PPP6R2: variants seen among roughly 807,000 people sequenced by gnomAD.
PPP6R2 encodes the protein serine/threonine-protein phosphatase 6 regulatory subunit 2.
A neutral mutation model predicts 100.2 loss-of-function variants in PPP6R2; 62 were observed. That is an observed-to-expected ratio of 0.62 (90% confidence interval 0.50 to 0.76). PPP6R2 has a LOEUF of 0.76. Among genes scored for constraint, PPP6R2 ranks in the 30% least tolerant of loss-of-function variants. The pLI is 0.00. For synonymous variants in PPP6R2, 525 were observed against 514.7 expected (o/e 1.02, Z -0.27); for missense variants, 1,142 against 1,276.3 (o/e 0.89, Z 1.60).
intron 18 of PPP6R2, 129 bp downstream of exon 18, chr22:50,438,427 C>T: frequency 6.8e-7 from 1 of 1,480,912 alleles, no homozygotes; most frequent in African/African-American, 1.4e-5. Flanking sequence ...GCTCTGGGGC[C>T]CAATGCAGCG....
intron 2 of PPP6R2, among the ~76,000 whole-genome samples, chr22:50,391,365 G>A (rs1018303555): frequency 4.7e-5 from 7 of 147,534 alleles, no homozygotes; most frequent in South Asian, 2.2e-4. Flanking sequence ...CCTGGGAGGC[G>A]GAGGTTGCAG....
intron 12 of PPP6R2, 52 bp downstream of exon 12, chr22:50,432,381 G>A (rs2063324688): frequency 2.7e-6 from 4 of 1,475,334 alleles, no homozygotes; most frequent in Non-Finnish European, 3.7e-6. Context: ...CAGGGATGCA[G>A]AGACGCACCT....
rs780576671 is a variant in PPP6R2, at chr22:50,431,159, C to T, written c.1126-14C>T. The T allele has an allele frequency of 1.3e-6, 2 of 1,593,018 alleles. No homozygotes were observed. The highest frequency in any genetic ancestry group is 1.7e-5 in the Admixed American group (1 of 59,898). On this transcript the variant is annotated splice_polypyrimidine_tract_variant and intron_variant, in intron 10 of 23. Transcript: ENST00000612753. The surrounding 1 kb of genome is among the most constrained non-coding windows in gnomAD (Gnocchi z 4.8). ...ACCGATCTAAGAACTGTCTTCTGTC[C>T]TCTGTTTACCCAGGACTTGTTCTTT... is the stretch of plus-strand genomic sequence containing the variant.
At position 50,423,348 on chromosome 22, in the gene PPP6R2, C is replaced by G. The variant is rs1407038986; in HGVS notation, c.973-114C>G. On this transcript the variant is annotated intron_variant, in intron 9 of 23. Coordinates refer to ENST00000612753, the MANE Select transcript of PPP6R2 (RefSeq NM_001242898.2). The surrounding 1 kb of genome is among the most constrained non-coding windows in gnomAD (Gnocchi z 4.8). ...CTCCCTGAGGAACCCCCACCACATACCTCGCTACCCCAGGCTGGGTCCCAG... is the reference window on the plus strand; with the variant it reads ...CTCCCTGAGGAACCCCCACCACATAGCTCGCTACCCCAGGCTGGGTCCCAG... The G allele has an allele frequency of 6.0e-6, 8 of 1,342,726 alleles. No homozygotes were observed. Among genetic ancestry groups the G allele is most frequent in the Non-Finnish European group, 8.2e-6 (8 of 975,356 alleles). The allele number at this position is 1,342,726 out of a possible 1,614,324, so 83.2% of individuals were successfully genotyped here.
intron 2 of PPP6R2, among the ~76,000 whole-genome samples, chr22:50,390,764 GC>G (rs1194692996): frequency 6.6e-6 from 1 of 152,176 alleles, no homozygotes; most frequent in Non-Finnish European, 1.5e-5. Context: ...ACTTTGGGAG[GC>G]CGAGGCGGAC....
At position 50,444,219 on chromosome 22, in the gene PPP6R2, A is replaced by G. The variant is rs371016489; in HGVS notation, c.2852A>G (p.Glu951Gly). 42 of 1,613,134 alleles carry G rather than the reference A, an allele frequency of 2.6e-5. No homozygotes were observed. The highest frequency in any genetic ancestry group is 2.8e-5 in the Non-Finnish European group (33 of 1,179,846). Residue 951 changes from glutamate (E) to glycine (G), a missense_variant, in exon 24 of 24, where the codon GAA (glutamate) becomes GGA (glycine). By Grantham distance (98) the Glu-to-Gly change is moderately conservative. Coordinates refer to ENST00000612753, the MANE Select transcript of PPP6R2 (RefSeq NM_001242898.2). ...TKDGKTDAPP[E>G]GAALNGPV Reference sequence around the variant, plus strand: ...TGCAGGAAGACAGATGCCCCGCCAGAAGGAGCTGCCTTAAATGGCCCAGTG... The same window carrying G: ...TGCAGGAAGACAGATGCCCCGCCAGGAGGAGCTGCCTTAAATGGCCCAGTG...
intron 2 of PPP6R2, chr22:50,389,196 C>G (rs1482119844): frequency 6.6e-6 from 1 of 152,174 alleles, no homozygotes; most frequent in African/African-American, 2.4e-5. Context: ...TGAGAGGAGT[C>G]CTTAAGCTCT....
At chr22:50,368,004 C>T (rs1007208864) in intron 1 of PPP6R2, among the ~76,000 whole-genome samples, 4 of 152,194 alleles carry the variant, frequency 2.6e-5, no homozygotes, top group Non-Finnish European at 4.4e-5. Flanking sequence ...GGACAGGGGG[C>T]CGGCCCTTCC....
intron 4 of PPP6R2, among the ~76,000 whole-genome samples, chr22:50,412,083 C>G (rs975899321): frequency 8.5e-5 from 13 of 152,082 alleles, no homozygotes; most frequent in African/African-American, 3.1e-4. Flanking sequence ...GACATGTTTC[C>G]TCCAATGGTG....
At chr22:50,437,480 T>TCCCAGC in intron 15 of PPP6R2, 26 bp from the exon 16 acceptor site, 15 of 728,344 alleles carry the variant, frequency 2.1e-5, no homozygotes, top group East Asian at 7.7e-5. Flanking sequence ...TGTCTGTCCG[T>TCCCAGC]CCCTCCCTCC....
In PPP6R2 at chr22:50,423,003, C is replaced by T. The variant is rs923969127; in HGVS notation, c.973-459C>T. ...GAGTGTGGGGGATCAGAAAAGACCG[C>T]GGTCCATCGGAGGAGGCATTCCCGT... On this transcript the variant is annotated intron_variant, in intron 9 of 23. Transcript: ENST00000612753. This position sits in a 1 kb window ranked among gnomAD's most constrained non-coding sequence, Gnocchi z 4.8. 2.6e-5 allele frequency among the ~76,000 whole-genome samples: 4 copies of T among 152,106 alleles called. No homozygotes were observed. The highest frequency in any genetic ancestry group is 1.9e-4 in the East Asian group (1 of 5,192).
chr22:50,432,088 T>C (rs1171278328), intron 11 of PPP6R2, among the ~76,000 whole-genome samples, 177 bp from the exon 12 acceptor site: 1 of 152,080 alleles, frequency 6.6e-6, no homozygotes, highest in Non-Finnish European at 1.5e-5. Flanking sequence ...AACCGCACCC[T>C]CCTCTGGTGT....
At position 50,422,396 on chromosome 22, in the gene PPP6R2, G is replaced by A. The variant is rs199657774; in HGVS notation, c.972+16G>A. The A allele has an allele frequency of 5.0e-6, 8 of 1,613,272 alleles. No homozygotes were observed. Among genetic ancestry groups the A allele is most frequent in the East Asian group, 4.5e-5 (2 of 44,864 alleles). On this transcript the variant is annotated intron_variant, in intron 9 of 23. Coordinates refer to ENST00000612753, the MANE Select transcript of PPP6R2 (RefSeq NM_001242898.2). The stretch of plus-strand genomic sequence containing the variant: ...CCCGCCCAAGGTAAATGGCCGTGGC[G>A]ACTGCTGAGTGCCTTTGGAGGCGTC...
At chr22:50,427,079 C>A (rs2062277474) in intron 10 of PPP6R2, among the ~76,000 whole-genome samples, 1 of 151,044 alleles carries the variant, frequency 6.6e-6, no homozygotes, top group African/African-American at 2.4e-5. Flanking sequence ...GTCCCAGCTA[C>A]TTGGGAGGCT....
At chr22:50,338,850 TG>T (rs2042334477), upstream of PPP6R2, among the ~76,000 whole-genome samples, 1 of 136,700 alleles carries the variant, frequency 7.3e-6, no homozygotes, top group African/African-American at 2.8e-5. Flanking sequence ...GTGTGGTGTG[TG>T]GTGTGTGATG....
In PPP6R2 at chr22:50,444,323, C is replaced by CT. The variant is rs59017944; in HGVS notation, c.*88dup. On this transcript the variant is annotated 3_prime_UTR_variant, in exon 24 of 24. Transcript: ENST00000612753. ...CGAGAAAACTACCTGGTGATGCAATCTTTTTTTTTTTTAATTTAATTTAAT... is the reference window on the plus strand; with the variant it reads ...CGAGAAAACTACCTGGTGATGCAATCTTTTTTTTTTTTTAATTTAATTTAAT... The CT allele has an allele frequency of 0.013, 15,823 of 1,187,574 alleles. 15 individuals carry two copies. Among genetic ancestry groups the CT allele is most frequent in the South Asian group, 0.02 (1,344 of 65,908 alleles). 73.6% of individuals were successfully genotyped at this position (1,187,574 alleles called of 1,614,324 possible).
upstream of PPP6R2, among the ~76,000 whole-genome samples, chr22:50,339,493 GGT>G (rs1266356657): frequency 6.2e-5 from 7 of 113,772 alleles, no homozygotes; most frequent in East Asian, 1.7e-3. Context: ...GTGTGTATAG[GGT>G]GTGTGTTGTG....
intron 1 of PPP6R2, among the ~76,000 whole-genome samples, chr22:50,354,328 A>T (rs1261614753): frequency 6.6e-6 from 1 of 152,022 alleles, no homozygotes; most frequent in East Asian, 1.9e-4. Flanking sequence ...AATAAATAAA[A>T]TAAAATGCCT....
At chr22:50,397,179 A>C (rs1282591713) in intron 3 of PPP6R2, among the ~76,000 whole-genome samples, 1 of 152,082 alleles carries the variant, frequency 6.6e-6, no homozygotes, top group African/African-American at 2.4e-5. Flanking sequence ...TAAGTAAGCA[A>C]AGATGCCCTG....
Sources: gnomAD v4.1 joint callset for allele counts (sites outside exome capture counted in the v4.1 genomes callset) on GRCh38, gnomAD v4.1.1 for gene constraint, Gnocchi (gnomAD v3.1) non-coding constraint, MANE v1.5 for transcripts, NCBI Gene and HGNC (gene_info 2026-07-23, HGNC 2026-07-21) for gene names.